Variants in OTUD7A observed in about 807,000 individuals in gnomAD.
OTUD7A encodes the protein OTU deubiquitinase 7A.
OTUD7A carries 12 observed loss-of-function variants against 65.7 expected under a neutral mutation model. The observed-to-expected ratio is 0.18, with a 90% CI of 0.12 to 0.30. The LOEUF (loss-of-function observed/expected upper bound fraction) is 0.30, where lower values mean the gene tolerates loss of function less well. OTUD7A is among the 10% of genes least tolerant of loss of function. The pLI is 1.00. For synonymous variants in OTUD7A, 641 were observed against 586.3 expected (o/e 1.09, Z -1.35); for missense variants, 1,148 against 1,304.8 (o/e 0.88, Z 1.85).
At chr15:31,722,266 G>A (rs944254522) in intron 1 of OTUD7A, among the ~76,000 whole-genome samples, 3 of 152,190 alleles carry the variant, frequency 2.0e-5, no homozygotes, top group Non-Finnish European at 2.9e-5. Flanking sequence ...CAGCCACGCA[G>A]GAATGGCCCT....
chr15:31,529,718 C>T (rs574650345), intron 6 of OTUD7A, among the ~76,000 whole-genome samples: 30 of 152,268 alleles, frequency 2.0e-4, no homozygotes, highest in Non-Finnish European at 3.4e-4. Flanking sequence ...TCTCACCTAC[C>T]TCTTGCTGAA....
At chr15:31,866,689 T>A (rs1053398433) in intron 1 of OTUD7A, among the ~76,000 whole-genome samples, 4 of 152,160 alleles carry the variant, frequency 2.6e-5, no homozygotes, top group Non-Finnish European at 5.9e-5. Context: ...AACCAGCATA[T>A]CTTATTCCCA....
chr15:31,521,466 T>A (rs1158334065), intron 8 of OTUD7A, among the ~76,000 whole-genome samples: 2 of 152,078 alleles, frequency 1.3e-5, no homozygotes, highest in East Asian at 1.9e-4. Flanking sequence ...CGTTAGCAGA[T>A]GCTCTTTCTG....
intron 3 of OTUD7A, among the ~76,000 whole-genome samples, chr15:31,578,238 T>A (rs74460645): frequency 0.011 from 1,688 of 152,280 alleles, 41 homozygotes; most frequent in African/African-American, 0.039. Context: ...ATTTAACATT[T>A]AAATATCCAC....
chr15:31,636,059 A>G (rs2925), intron 3 of OTUD7A, among the ~76,000 whole-genome samples: 43,659 of 152,176 alleles, frequency 0.29, 7,393 homozygotes, highest in African/African-American at 0.47. Context: ...TAAAATGCAC[A>G]TATTTAAGTT....
At chr15:31,510,993 C>CAT (rs1259076123) in intron 8 of OTUD7A, among the ~76,000 whole-genome samples, 1 of 85,328 alleles carries the variant, frequency 1.2e-5, no homozygotes, top group Non-Finnish European at 2.1e-5. Flanking sequence ...CTATATGTAA[C>CAT]ATATGTATAT....
Position 31,547,558 on chromosome 15 carries a change from T to C in OTUD7A, c.550+11411A>G, listed in dbSNP as rs146264857. Among the ~76,000 whole-genome samples the C allele has an allele frequency of 3.9e-3, 591 of 152,306 alleles. 6 individuals are homozygous for C. Among genetic ancestry groups the C allele is most frequent in the African/African-American group, 0.014 (570 of 41,570 alleles). The stretch of plus-strand genomic sequence containing the variant: ...TATTTCTTCCTCACAAAAATAAAAG[T>C]GAGAACATAATGACAATGCAATAGT... On this transcript the variant is annotated intron_variant, in intron 5 of 12. Coordinates refer to ENST00000307050, the MANE Select transcript of OTUD7A (RefSeq NM_001382637.1).
intron 1 of OTUD7A, among the ~76,000 whole-genome samples, chr15:31,734,600 G>T (rs1437654174): frequency 6.6e-6 from 1 of 152,092 alleles, no homozygotes; most frequent in East Asian, 1.9e-4. Context: ...AAATAAGACC[G>T]CACACCTTCA....
At chr15:31,485,424 A>G (rs2041223316) in intron 12 of OTUD7A, among the ~76,000 whole-genome samples, 1 of 152,224 alleles carries the variant, frequency 6.6e-6, no homozygotes, top group Admixed American at 6.5e-5. Context: ...ATTCTGAAAT[A>G]GGCCTGCGCT....
At chr15:31,590,291 G>A (rs1889680958) in intron 3 of OTUD7A, among the ~76,000 whole-genome samples, 1 of 152,212 alleles carries the variant, frequency 6.6e-6, no homozygotes, top group African/African-American at 2.4e-5. Flanking sequence ...TCTACTTCAT[G>A]GAAGTGAACT....
intron 1 of OTUD7A, among the ~76,000 whole-genome samples, chr15:31,665,569 T>G (rs1158578649): frequency 2.6e-5 from 4 of 152,158 alleles, no homozygotes; most frequent in African/African-American, 9.7e-5. Flanking sequence ...TGGAGGAGTC[T>G]TTAGGGTTTT....
At chr15:31,766,835 C>T in intron 1 of OTUD7A, 2 of 1,612,246 alleles carry the variant, frequency 1.2e-6, no homozygotes, top group Non-Finnish European at 1.7e-6. Context: ...TTATTTTGTC[C>T]TTCTATGTTC....
At chr15:31,622,858 A>G (rs1272247481) in intron 3 of OTUD7A, among the ~76,000 whole-genome samples, 1 of 135,874 alleles carries the variant, frequency 7.4e-6, no homozygotes, top group Non-Finnish European at 1.5e-5. Context: ...TAGAATTTTC[A>G]GTTTTTCTGC....
intron 1 of OTUD7A, among the ~76,000 whole-genome samples, chr15:31,806,579 C>T (rs1366108735): frequency 6.6e-6 from 1 of 152,218 alleles, no homozygotes; most frequent in Non-Finnish European, 1.5e-5. Flanking sequence ...GCAAAGCCAA[C>T]AAGGACCCCC....
intron 4 of OTUD7A, among the ~76,000 whole-genome samples, chr15:31,561,585 C>T (rs912083664): frequency 6.6e-6 from 1 of 152,000 alleles, no homozygotes; most frequent in South Asian, 2.1e-4. Flanking sequence ...CACGGTGATT[C>T]CTAGGACAAC....
chr15:31,867,463 ACTTCC>A (rs1254935532), intron 1 of OTUD7A, among the ~76,000 whole-genome samples: 1 of 152,132 alleles, frequency 6.6e-6, no homozygotes, highest in Non-Finnish European at 1.5e-5. Context: ...CACAGGAATT[ACTTCC>A]TAAGTGGACA....
intron 1 of OTUD7A, among the ~76,000 whole-genome samples, chr15:31,721,106 A>G (rs2141348676): frequency 6.6e-6 from 1 of 152,396 alleles, no homozygotes; most frequent in Admixed American, 6.5e-5. Context: ...ATGTTCACAC[A>G]ATGACAAAAT....
chr15:31,624,885 C>T (rs188390545), intron 3 of OTUD7A, among the ~76,000 whole-genome samples: 3 of 152,290 alleles, frequency 2.0e-5, no homozygotes, highest in Admixed American at 6.5e-5. Flanking sequence ...CTTCTCCCCA[C>T]GGGGTGGCCA....
intron 1 of OTUD7A, among the ~76,000 whole-genome samples, chr15:31,668,817 T>C (rs1187979714): frequency 6.6e-6 from 1 of 152,196 alleles, no homozygotes; most frequent in Admixed American, 6.5e-5. Context: ...AGGCTGTTGT[T>C]CAGATTCTTT....
Sources: allele counts gnomAD v4.1 joint callset (sites outside exome capture counted in the v4.1 genomes callset), GRCh38; gene constraint gnomAD v4.1.1; transcripts MANE v1.5; gene names NCBI Gene and HGNC (gene_info 2026-07-23, HGNC 2026-07-21).